Variants in KRAS observed in about 807,000 individuals in gnomAD.
KRAS encodes the protein GTPase KRas.
Under a neutral mutation model 21.0 loss-of-function variants are expected in KRAS, and 1 was observed. That is an observed-to-expected ratio of 0.05 (90% confidence interval 0.02 to 0.23). The LOEUF is 0.23. KRAS is among the 10% of genes least tolerant of loss of function. The pLI, the probability that KRAS is intolerant of heterozygous loss-of-function variation, is 1.00. For missense variants in KRAS, 107 were observed against 221.8 expected, an observed-to-expected ratio of 0.48 and a Z score of 3.29; for synonymous variants, 67 against 72.5, an observed-to-expected ratio of 0.92 and a Z score of 0.39.
Position 25,214,072 on chromosome 12 carries a change from G to A in KRAS, c.451-4161C>T, listed in dbSNP as rs527434550. 5.3e-5 allele frequency among the ~76,000 whole-genome samples: 8 copies of A among 152,260 alleles called. No individual in the cohort carries two copies. The East Asian group carries it at 1.5e-3, about 29-fold the overall frequency. On this transcript the variant is annotated intron_variant, in intron 4 of 4. Transcript: ENST00000311936. ...TATAATAGTTAAGAATAGTATTCTG[G>A]GAATACACAGGAAGGGCTCCATGCC... is the stretch of plus-strand genomic sequence containing the variant.
intron 2 of KRAS, among the ~76,000 whole-genome samples, chr12:25,232,624 A>G (rs1369462054): frequency 3.3e-5 from 5 of 152,234 alleles, no homozygotes; most frequent in Admixed American, 6.5e-5. Flanking sequence ...AATTAGGTAC[A>G]TAAGTTACCA....
At chr12:25,217,427 TTA>T (rs1338837483) in intron 4 of KRAS, among the ~76,000 whole-genome samples, 5 of 152,204 alleles carry the variant, frequency 3.3e-5, no homozygotes. Context: ...AGTAACGTGA[TTA>T]TATGTTAAAA....
intron 4 of KRAS, among the ~76,000 whole-genome samples, chr12:25,218,956 T>TC (rs1951286161): frequency 7.3e-6 from 1 of 137,268 alleles, no homozygotes; most frequent in South Asian, 2.4e-4. Flanking sequence ...TTTTTTTTTT[T>TC]TGAGATGGAG....
chr12:25,228,277 A>G (rs1951420168), intron 2 of KRAS, among the ~76,000 whole-genome samples: 1 of 143,538 alleles, frequency 7.0e-6, no homozygotes, highest in South Asian at 2.1e-4. Flanking sequence ...TGGCCACCCA[A>G]CGTGTTGGGA....
intron 2 of KRAS, among the ~76,000 whole-genome samples, chr12:25,239,183 A>C (rs974503480): frequency 6.6e-6 from 1 of 152,120 alleles, no homozygotes; most frequent in Non-Finnish European, 1.5e-5. Flanking sequence ...TTTGGTAGAC[A>C]AGCTATTTAT....
At chr12:25,236,372 A>G (rs1565888504) in intron 2 of KRAS, among the ~76,000 whole-genome samples, 1 of 152,162 alleles carries the variant, frequency 6.6e-6, no homozygotes, top group Non-Finnish European at 1.5e-5. Context: ...AGTAGCAGCC[A>G]AAGGCACCTC....
At chr12:25,222,738 T>C (rs1225646648) in intron 4 of KRAS, among the ~76,000 whole-genome samples, 1 of 152,144 alleles carries the variant, frequency 6.6e-6, no homozygotes, top group Non-Finnish European at 1.5e-5. Context: ...AAATCTCTTA[T>C]AAAAGGAAGC....
intron 4 of KRAS, chr12:25,225,286 T>TTATTTATA (rs1486092988): frequency 7.2e-3 from 76 of 10,586 alleles, no homozygotes; most frequent in African/African-American, 0.016. Flanking sequence ...GCCCTGTTCT[T>TTATTTATA]TATATATATA....
In KRAS at chr12:25,206,189, T is replaced by C. The variant is rs1365327208; in HGVS notation, c.*3606A>G. On this transcript the variant is annotated 3_prime_UTR_variant, in exon 5 of 5. Transcript: ENST00000311936. ...TAACATGCCCCACAAAGTTTCTATGTATATATTAGGACAAAATTGTGCAAT... is the reference window on the plus strand; with the variant it reads ...TAACATGCCCCACAAAGTTTCTATGCATATATTAGGACAAAATTGTGCAAT... 5 of 216,146 alleles carry C rather than the reference T, an allele frequency of 2.3e-5. No individual in the cohort carries two copies. The highest frequency in any genetic ancestry group is 4.7e-5 in the Non-Finnish European group (5 of 107,176). 13.4% of individuals were successfully genotyped at this position (216,146 alleles called of 1,614,324 possible).
At chr12:25,214,720 G>A (rs1020672870) in intron 4 of KRAS, among the ~76,000 whole-genome samples, 6 of 152,090 alleles carry the variant, frequency 3.9e-5, no homozygotes, top group Non-Finnish European at 7.4e-5. Flanking sequence ...GTATCTCTCC[G>A]GTTTCACAAT....
chr12:25,230,535 G>A (rs1422348498), intron 2 of KRAS, among the ~76,000 whole-genome samples: 1 of 152,142 alleles, frequency 6.6e-6, no homozygotes, highest in Non-Finnish European at 1.5e-5. Flanking sequence ...GGCTGAGGCA[G>A]GAGAATCACT....
rs922299508 is a variant in KRAS at position 25,208,440 on chromosome 12, A to G, written c.*1355T>C. The stretch of plus-strand genomic sequence containing the variant: ...ACTTGAAAAGTGTTTATGCAATGTT[A>G]ATTTAACCAGTGTTAAGAGAACTAG... On this transcript the variant is annotated 3_prime_UTR_variant, in exon 5 of 5. Coordinates refer to ENST00000311936, the MANE Select transcript of KRAS (RefSeq NM_004985.5). 8.6e-6 allele frequency: 2 copies of G among 233,162 alleles called. No homozygotes were observed. Among genetic ancestry groups the G allele is most frequent in the African/African-American group, 4.4e-5 (2 of 45,306 alleles). 14.4% of individuals were successfully genotyped at this position (233,162 alleles called of 1,614,324 possible).
At chr12:25,227,679 CA>C (rs1247894608) in intron 2 of KRAS, among the ~76,000 whole-genome samples, 2 of 151,784 alleles carry the variant, frequency 1.3e-5, no homozygotes, top group Non-Finnish European at 2.9e-5. Flanking sequence ...AAAAACAAAA[CA>C]AAAAAACTCA....
intron 1 of KRAS, among the ~76,000 whole-genome samples, chr12:25,249,590 T>TAAAAAAAAAAAAAAAAAAAA (rs1951737131): frequency 4.9e-4 from 1 of 2,052 alleles, no homozygotes; most frequent in Non-Finnish European, 5.0e-3. Flanking sequence ...AGACTGTGTC[T>TAAAAAAAAAAAAAAAAAAAA]CAAAAAAAAA....
intron 2 of KRAS, among the ~76,000 whole-genome samples, chr12:25,236,514 G>GT (rs889325206): frequency 2.6e-5 from 4 of 151,854 alleles, no homozygotes; most frequent in Non-Finnish European, 5.9e-5. Flanking sequence ...TTACTTCAGT[G>GT]TTTTTTTGCC....
At position 25,250,897 on chromosome 12, in the gene KRAS, G is replaced by C. The variant is rs976602539; in HGVS notation, c.-158C>G. The C allele has an allele frequency of 4.0e-6, 1 of 247,076 alleles. No homozygotes were observed. The highest frequency in any genetic ancestry group is 2.3e-5 in the African/African-American group (1 of 43,734). 15.3% of individuals were successfully genotyped at this position (247,076 alleles called of 1,614,324 possible). A position where few individuals can be genotyped will look rare whatever the true frequency, so the allele number is the denominator to read the frequency against. Reference sequence around the variant, plus strand: ...CTTCGCCGCCGCCACTGCCGCCGCCGCTGCTGCCTCCGCCGCCGCGGCCGC... The same window carrying C: ...CTTCGCCGCCGCCACTGCCGCCGCCCCTGCTGCCTCCGCCGCCGCGGCCGC... On this transcript the variant is annotated 5_prime_UTR_variant, in exon 1 of 5. Transcript: ENST00000311936.
chr12:25,231,230 T>C (rs1951465626), intron 2 of KRAS, among the ~76,000 whole-genome samples: 1 of 150,906 alleles, frequency 6.6e-6, no homozygotes, highest in Non-Finnish European at 1.5e-5. Context: ...GCCTCCTGAG[T>C]AGCTGGGACT....
Position 25,237,160 on chromosome 12 carries a change from C to T in KRAS, c.111+8114G>A, listed in dbSNP as rs149985811. ...CCAGACACAAAAGGCCACGTCTGTA[C>T]GATTCTCTTTATATGAAATAATCAG... On this transcript the variant is annotated intron_variant, in intron 2 of 4. Transcript: ENST00000311936. Among the ~76,000 whole-genome samples the T allele has an allele frequency of 2.2e-3, 335 of 152,188 alleles. 5 individuals are homozygous for T. Among genetic ancestry groups the T allele is most frequent in the South Asian group, 0.015 (73 of 4,824 alleles).
intron 2 of KRAS, among the ~76,000 whole-genome samples, chr12:25,233,438 C>T (rs1398746179): frequency 2.6e-5 from 4 of 152,064 alleles, no homozygotes; most frequent in Non-Finnish European, 5.9e-5. Context: ...CCTGTAGTCC[C>T]AGCTATTTGG....
Sources: allele counts gnomAD v4.1 joint callset (sites outside exome capture counted in the v4.1 genomes callset), GRCh38; gene constraint gnomAD v4.1.1; transcripts MANE v1.5; gene names NCBI Gene and HGNC (gene_info 2026-07-23, HGNC 2026-07-21).